ELMO1: variants seen among roughly 807,000 people sequenced by gnomAD.
ELMO1 encodes engulfment and cell motility 1.
ELMO1 carries 26 observed loss-of-function variants against 98.9 expected under a neutral mutation model. That is an observed-to-expected ratio of 0.26 (90% CI 0.19 to 0.36). The LOEUF is 0.36. Among genes scored for constraint, ELMO1 ranks in the 10% least tolerant of loss-of-function variants. The pLI is 1.00. For synonymous variants in ELMO1, 346 were observed against 346.0 expected (o/e 1.00, Z 0.00); for missense variants, 627 against 935.2 (o/e 0.67, Z 4.30).
At chr7:37,215,832 T>C (rs1793248666) in intron 11 of ELMO1, among the ~76,000 whole-genome samples, 3 of 152,152 alleles carry the variant, frequency 2.0e-5, no homozygotes, top group African/African-American at 7.2e-5. Flanking sequence ...ATTAACAAAC[T>C]TTTCAATGCC....
chr7:37,289,606 G>T (rs1453598539), intron 4 of ELMO1, among the ~76,000 whole-genome samples: 2 of 152,120 alleles, frequency 1.3e-5, no homozygotes, highest in African/African-American at 4.8e-5. Flanking sequence ...AGCCCTAAGA[G>T]GAAGGGCCTA....
At chr7:37,215,959 G>T (rs1793257585) in intron 11 of ELMO1, among the ~76,000 whole-genome samples, 4 of 151,882 alleles carry the variant, frequency 2.6e-5, no homozygotes. Flanking sequence ...CACGCAAACA[G>T]AGATTTTTCT....
intron 14 of ELMO1, among the ~76,000 whole-genome samples, chr7:37,111,157 T>C (rs1205891232): frequency 2.0e-5 from 3 of 152,212 alleles, no homozygotes; most frequent in Non-Finnish European, 2.9e-5. Flanking sequence ...AGCTCTGCGT[T>C]CTCTGCAGGC....
intron 13 of ELMO1, among the ~76,000 whole-genome samples, chr7:37,195,069 G>A (rs994494143): frequency 2.0e-5 from 3 of 152,282 alleles, no homozygotes; most frequent in East Asian, 3.9e-4. Flanking sequence ...TACAAACTAC[G>A]TGCTGAAACG....
chr7:37,033,763 G>C (rs1050395370), intron 15 of ELMO1, among the ~76,000 whole-genome samples: 1 of 152,152 alleles, frequency 6.6e-6, no homozygotes, highest in Non-Finnish European at 1.5e-5. Context: ...CATCAGAATT[G>C]ATCCCTAAAG....
chr7:36,896,428 T>C (rs888447505), intron 16 of ELMO1, among the ~76,000 whole-genome samples: 4 of 152,222 alleles, frequency 2.6e-5, no homozygotes, highest in African/African-American at 9.6e-5. Context: ...ATCATTATAA[T>C]AGAAGTGCAG....
chr7:36,952,132 G>A (rs952000295), intron 16 of ELMO1, among the ~76,000 whole-genome samples: 14 of 152,308 alleles, frequency 9.2e-5, no homozygotes, highest in African/African-American at 3.1e-4. Context: ...CCAGGGAGGT[G>A]TTCAGCATCT....
At position 37,124,995 on chromosome 7, in the gene ELMO1, A is replaced by G. The variant is rs1314421735; in HGVS notation, c.1191+8135T>C. ...GAAATAATACCACACTTCTACAACT[A>G]TCTGATCTTTGACAAACCTGACAAA... is the stretch of plus-strand genomic sequence containing the variant. On this transcript the variant is annotated intron_variant, in intron 14 of 21. Coordinates refer to ENST00000310758, the MANE Select transcript of ELMO1 (RefSeq NM_014800.11). Among the ~76,000 whole-genome samples, 3 of 152,206 alleles carry G rather than the reference A, an allele frequency of 2.0e-5. No homozygotes were observed. In the East Asian group the frequency reaches 5.8e-4, roughly 29 times the overall value.
chr7:37,091,176 C>G (rs952833662), intron 15 of ELMO1, among the ~76,000 whole-genome samples: 1 of 152,128 alleles, frequency 6.6e-6, no homozygotes, highest in African/African-American at 2.4e-5. Flanking sequence ...GGGGCAATAT[C>G]GACTCACTGC....
intron 1 of ELMO1, among the ~76,000 whole-genome samples, chr7:37,378,866 ACTCCTGCAGTAGC>A (rs1276999405): frequency 1.3e-5 from 2 of 151,342 alleles, no homozygotes; most frequent in Non-Finnish European, 2.9e-5. Context: ...TTTTGCTTGG[ACTCCTGCAGTAGC>A]CTCGTAACTG....
At chr7:37,343,100 C>G (rs538686220) in intron 1 of ELMO1, 1 of 177,126 alleles carries the variant, frequency 5.6e-6, no homozygotes, top group African/African-American at 2.4e-5. Context: ...GAGCCAGGCT[C>G]ACTCTCTGTC....
intron 15 of ELMO1, among the ~76,000 whole-genome samples, chr7:37,038,138 C>G (rs1795296057): frequency 6.6e-6 from 1 of 152,144 alleles, no homozygotes; most frequent in Non-Finnish European, 1.5e-5. Context: ...CTAAACAAAA[C>G]AAGCATTGGT....
rs529039043 is a variant in ELMO1 at position 37,405,208 on chromosome 7, C to T, written c.-74+43467G>A. ...TTTTTATACTTCAAGACCAAAACAA[C>T]AACAATGGGGAAAAAAAACCCTAAG... On this transcript the variant is annotated intron_variant, in intron 1 of 21. Transcript: ENST00000310758. Among the ~76,000 whole-genome samples the T allele has an allele frequency of 1.5e-3, 212 of 144,206 alleles. 1 individual carries two copies. Among genetic ancestry groups the T allele is most frequent in the African/African-American group, 5.3e-3 (208 of 39,594 alleles). The allele number at this position is 144,206 out of a possible 152,430, so 94.6% of individuals were successfully genotyped here.
chr7:36,956,849 C>A (rs1584433002), intron 16 of ELMO1, among the ~76,000 whole-genome samples: 2 of 152,156 alleles, frequency 1.3e-5, no homozygotes, highest in Admixed American at 6.5e-5. Flanking sequence ...GAAAAAATGG[C>A]AAGAAATCAT....
intron 19 of ELMO1, among the ~76,000 whole-genome samples, chr7:36,871,529 G>T (rs1157539205): frequency 1.3e-5 from 2 of 152,188 alleles, no homozygotes; most frequent in Non-Finnish European, 2.9e-5. Flanking sequence ...ATGAATCAAG[G>T]TATGCACGCT....
chr7:37,156,219 G>A (rs1009231166), intron 13 of ELMO1, among the ~76,000 whole-genome samples: 3 of 152,158 alleles, frequency 2.0e-5, no homozygotes, highest in African/African-American at 7.2e-5. Flanking sequence ...ACAAGAGAAA[G>A]CAGGAAAGAT....
chr7:36,967,385 C>G (rs532988493), intron 16 of ELMO1, among the ~76,000 whole-genome samples: 6 of 152,188 alleles, frequency 3.9e-5, no homozygotes, highest in Admixed American at 6.5e-5. Context: ...CTGGGCCACA[C>G]TCCTGAGGTA....
At chr7:37,327,533 C>T (rs1032944561) in intron 2 of ELMO1, among the ~76,000 whole-genome samples, 1 of 152,174 alleles carries the variant, frequency 6.6e-6, no homozygotes, top group Admixed American at 6.5e-5. Context: ...GAAAGTAAGA[C>T]AGCAGTCAAA....
chr7:37,121,594 T>C (rs533234364), intron 14 of ELMO1, among the ~76,000 whole-genome samples: 38 of 152,106 alleles, frequency 2.5e-4, no homozygotes, highest in African/African-American at 8.9e-4. Context: ...TAAAAAGAAA[T>C]GAACAAAGCC....
Sources: allele counts gnomAD v4.1 joint callset (sites outside exome capture counted in the v4.1 genomes callset), GRCh38; gene constraint gnomAD v4.1.1; transcripts MANE v1.5; gene names NCBI Gene and HGNC (gene_info 2026-07-23, HGNC 2026-07-21).